The following HOMER2 variants were observed in gnomAD, a reference collection of about 807,000 sequenced individuals.
The protein encoded by HOMER2 is homer scaffold protein 2, also known as homer protein homolog 2.
Under a neutral mutation model 47.0 loss-of-function variants are expected in HOMER2, and 27 were observed. That is an observed-to-expected ratio of 0.57 (90% CI 0.42 to 0.79). The LOEUF (loss-of-function observed/expected upper bound fraction) is 0.79, where lower values mean the gene tolerates loss of function less well. Ranked by LOEUF, HOMER2 falls within the 30% of genes least tolerant of loss-of-function variation. The pLI is 0.00. For missense variants in HOMER2, 443 were observed against 435.0 expected (o/e 1.02, Z -0.16); for synonymous variants, 161 against 163.8 (o/e 0.98, Z 0.13).
rs1047408081 is a variant in HOMER2 at position 82,870,333 on chromosome 15, A to G, written c.294+4940T>C. Among the ~76,000 whole-genome samples the G allele has an allele frequency of 1.5e-4, 23 of 152,130 alleles. 1 individual carries two copies. Among genetic ancestry groups the G allele is most frequent in the African/African-American group, 5.6e-4 (23 of 41,424 alleles). On this transcript the variant is annotated intron_variant, in intron 3 of 8. Transcript: ENST00000450735. ...ATGGGCTAGGGACCCAGCATTGATA[A>G]TGGGGCCCCAGAAGTCTGCCAGGGG...
intron 1 of HOMER2, among the ~76,000 whole-genome samples, chr15:82,982,965 T>C (rs2030445885): frequency 6.6e-6 from 1 of 152,218 alleles, no homozygotes; most frequent in African/African-American, 2.4e-5. Context: ...CATATACAGC[T>C]GCTCCTTGAT....
chr15:82,931,525 C>A lies in HOMER2; in HGVS notation c.5+21006G>T, dbSNP rs565318278. ...TCAGAATATTTCATCCTTGGTGAAG[C>A]ATGCCTGCTTTAAAAAAAAAAAAAA... On this transcript the variant is annotated intron_variant, in intron 1 of 8. Transcript: ENST00000450735. Among the ~76,000 whole-genome samples, 11 of 145,306 alleles carry A rather than the reference C, an allele frequency of 7.6e-5. No individual in the cohort carries two copies. The East Asian group carries it at 1.2e-3, about 16-fold the overall frequency.
intron 1 of HOMER2, among the ~76,000 whole-genome samples, chr15:82,945,412 A>T (rs2054354216): frequency 6.6e-6 from 1 of 152,198 alleles, no homozygotes; most frequent in Admixed American, 6.5e-5. Context: ...GTTACAAGAC[A>T]GATGTATAAA....
At chr15:82,979,219 T>C (rs936330540) in intron 1 of HOMER2, among the ~76,000 whole-genome samples, 1 of 152,194 alleles carries the variant, frequency 6.6e-6, no homozygotes, top group South Asian at 2.1e-4. Context: ...TATATCTTTA[T>C]TAATAAAGCA....
rs138957885 is a variant in HOMER2 at position 82,900,401 on chromosome 15, G to C, written c.6-7560C>G. ...TCTTAAATGGGAAAGCCAACACAAA[G>C]CTGTCAATTATCCCTAAATTAATAT... is the stretch of plus-strand genomic sequence containing the variant. On this transcript the variant is annotated intron_variant, in intron 1 of 8. Transcript: ENST00000450735. Among the ~76,000 whole-genome samples, 36 of 152,218 alleles carry C rather than the reference G, an allele frequency of 2.4e-4. No homozygotes were observed. The East Asian group carries it at 6.5e-3, about 28-fold the overall frequency.
In HOMER2 at chr15:82,854,819, C is replaced by T. The variant is rs375887599; in HGVS notation, c.495-19G>A. Reference sequence around the variant, plus strand: ...GGCTGCGCTGCAGGACAGGGACGGGCGGTGACGACGGGGTGGGTGCTGTCC... The same window carrying T: ...GGCTGCGCTGCAGGACAGGGACGGGTGGTGACGACGGGGTGGGTGCTGTCC... On this transcript the variant is annotated intron_variant, in intron 5 of 8. Transcript: ENST00000450735. 62 of 1,599,792 alleles carry T rather than the reference C, an allele frequency of 3.9e-5. 1 individual carries two copies. In the African/African-American group the frequency reaches 4.1e-4, roughly 11 times the overall value.
chr15:82,963,852 C>T (rs935121828), intron 1 of HOMER2, among the ~76,000 whole-genome samples: 4 of 152,142 alleles, frequency 2.6e-5, no homozygotes, highest in Admixed American at 2.6e-4. Context: ...TTTGGCCTTT[C>T]CTCCTCCAAC....
At chr15:82,895,247 C>T (rs2052868594) in intron 1 of HOMER2, among the ~76,000 whole-genome samples, 1 of 152,180 alleles carries the variant, frequency 6.6e-6, no homozygotes, top group Non-Finnish European at 1.5e-5. Context: ...ATTTTTATTC[C>T]CTCAAACAGA....
Position 82,973,868 on chromosome 15 carries a change from C to A in HOMER2, n.82+11919G>T, listed in dbSNP as rs138019536. On this transcript the variant is annotated intron_variant and non_coding_transcript_variant, in intron 1 of 1. Transcript: ENST00000500334. ...ATCACATGAGGCCAGAAGTTCAAGA[C>A]CAGCGTGGTCAACATGCTGAAACAC... 3.1e-3 allele frequency among the ~76,000 whole-genome samples: 474 copies of A among 152,112 alleles called. 2 individuals carry two copies. The highest frequency in any genetic ancestry group is 7.9e-3 in the East Asian group (41 of 5,172).
chr15:82,978,574 C>T (rs548768121), intron 1 of HOMER2, among the ~76,000 whole-genome samples: 1 of 152,238 alleles, frequency 6.6e-6, no homozygotes, highest in Non-Finnish European at 1.5e-5. Flanking sequence ...TTCATTTAGG[C>T]AGTGATATGG....
At chr15:82,939,031 G>A (rs568129206) in intron 1 of HOMER2, among the ~76,000 whole-genome samples, 2 of 152,270 alleles carry the variant, frequency 1.3e-5, no homozygotes, top group African/African-American at 4.8e-5. Context: ...TCCTTAGAAG[G>A]TCAAATCCAT....
At chr15:82,925,429 T>C (rs1337123821) in intron 1 of HOMER2, among the ~76,000 whole-genome samples, 1 of 152,184 alleles carries the variant, frequency 6.6e-6, no homozygotes, top group Non-Finnish European at 1.5e-5. Context: ...CTTCCTCCCA[T>C]GATAGCAGCC....
At chr15:82,972,731 A>G (rs1278610100) in intron 1 of HOMER2, among the ~76,000 whole-genome samples, 1 of 152,236 alleles carries the variant, frequency 6.6e-6, no homozygotes, top group African/African-American at 2.4e-5. Context: ...GTAGAGGTAC[A>G]AGAAAATGGA....
intron 3 of HOMER2, among the ~76,000 whole-genome samples, chr15:82,872,161 T>C (rs1188396716): frequency 1.3e-5 from 2 of 152,116 alleles, no homozygotes; most frequent in African/African-American, 4.8e-5. Context: ...AAGGACCACT[T>C]CAGGAGGGAA....
chr15:82,837,954 T>TAA (rs1285897205), exon 2 of HOMER2: 1 of 152,168 alleles, frequency 6.6e-6, no homozygotes, highest in African/African-American at 2.4e-5. Context: ...CTGGTAGTGG[T>TAA]TTAGTTTCAT....
intron 3 of HOMER2, among the ~76,000 whole-genome samples, chr15:82,872,587 C>T (rs1349488263): frequency 2.0e-5 from 3 of 152,216 alleles, no homozygotes; most frequent in Admixed American, 6.5e-5. Flanking sequence ...ACCAATAAAG[C>T]CTTCCACGAC....
upstream of HOMER2, among the ~76,000 whole-genome samples, chr15:82,956,345 G>A (rs2054587743): frequency 6.6e-6 from 1 of 152,114 alleles, no homozygotes; most frequent in African/African-American, 2.4e-5. Context: ...CCCTGAGGTG[G>A]TAGAGAATCA....
chr15:82,891,271 G>T (rs146297217), intron 2 of HOMER2, among the ~76,000 whole-genome samples: 336 of 152,250 alleles, frequency 2.2e-3, no homozygotes, highest in African/African-American at 6.5e-3. Flanking sequence ...CCAGAGGCGT[G>T]AACCTGGGCC....
chr15:82,943,425 C>G (rs2054306698), intron 1 of HOMER2, among the ~76,000 whole-genome samples: 1 of 152,208 alleles, frequency 6.6e-6, no homozygotes, highest in African/African-American at 2.4e-5. Context: ...ACCAAGTGAG[C>G]TGAAATATGT....
Sources: gnomAD v4.1 joint callset for allele counts (sites outside exome capture counted in the v4.1 genomes callset) on GRCh38, gnomAD v4.1.1 for gene constraint, MANE v1.5 for transcripts, NCBI Gene and HGNC (gene_info 2026-07-23, HGNC 2026-07-21) for gene names.